Variants in DENND1A observed in about 807,000 individuals in gnomAD.
DENND1A encodes the protein DENN domain-containing protein 1A.
DENND1A carries 51 observed loss-of-function variants against 113.7 expected under a neutral mutation model. The ratio of observed to expected loss-of-function variants is 0.45; its 90% CI spans 0.36 to 0.57. The LOEUF is 0.57. DENND1A is among the 20% of genes least tolerant of loss of function. The probability of loss-of-function intolerance (pLI) is 0.00; values close to 1 mark genes in which losing one functional copy is unlikely to be tolerated. For missense variants in DENND1A, 1,258 were observed against 1,395.9 expected (o/e 0.90, Z 1.57); for synonymous variants, 565 against 570.8 (o/e 0.99, Z 0.14).
intron 2 of DENND1A, among the ~76,000 whole-genome samples, chr9:123,847,456 T>C (rs758595367): frequency 3.3e-5 from 5 of 152,264 alleles, no homozygotes; most frequent in East Asian, 1.9e-4. Flanking sequence ...TTAATTATAA[T>C]GGAAAGGGAC....
At chr9:123,687,982 C>T (rs1171108159) in intron 5 of DENND1A, among the ~76,000 whole-genome samples, 2 of 152,242 alleles carry the variant, frequency 1.3e-5, no homozygotes. Context: ...TAGGTGCAAG[C>T]ACATTGACTG....
At chr9:123,783,053 T>G (rs1017721706) in intron 3 of DENND1A, among the ~76,000 whole-genome samples, 2 of 152,150 alleles carry the variant, frequency 1.3e-5, no homozygotes, top group Non-Finnish European at 2.9e-5. Flanking sequence ...TACAAAATAC[T>G]ACACACAACC....
chr9:123,481,461 C>T (rs182344375), intron 13 of DENND1A, among the ~76,000 whole-genome samples: 2 of 152,194 alleles, frequency 1.3e-5, no homozygotes, highest in Non-Finnish European at 1.5e-5. Context: ...CAGGTGCTGC[C>T]GAAGAGGCCG....
chr9:123,455,119 G>A (rs183337192), intron 15 of DENND1A, among the ~76,000 whole-genome samples: 1 of 152,316 alleles, frequency 6.6e-6, no homozygotes, highest in African/African-American at 2.4e-5. Context: ...ACCACGCTTG[G>A]CCGAAATTGC....
intron 1 of DENND1A, among the ~76,000 whole-genome samples, chr9:123,901,751 T>A (rs1466142977): frequency 6.6e-6 from 1 of 152,166 alleles, no homozygotes; most frequent in African/African-American, 2.4e-5. Context: ...CTGCCTGTAA[T>A]CCCAGCACTG....
At chr9:123,913,921 A>G (rs980638947) in intron 1 of DENND1A, among the ~76,000 whole-genome samples, 5 of 151,164 alleles carry the variant, frequency 3.3e-5, no homozygotes, top group African/African-American at 1.2e-4. Flanking sequence ...AAAAAAATCA[A>G]AAGCCAGATA....
intron 13 of DENND1A, among the ~76,000 whole-genome samples, chr9:123,502,777 T>C (rs2052601561): frequency 6.6e-6 from 1 of 152,258 alleles, no homozygotes; most frequent in Non-Finnish European, 1.5e-5. Flanking sequence ...GTCGTGAAGC[T>C]TTTGCCCAAT....
chr9:123,530,590 CAACT>C (rs1263877774), intron 13 of DENND1A, among the ~76,000 whole-genome samples: 5 of 152,084 alleles, frequency 3.3e-5, no homozygotes, highest in South Asian at 2.1e-4. Context: ...GTTGACTGTA[CAACT>C]AACTACTGTC....
At chr9:123,636,430 C>G (rs1488422627) in intron 9 of DENND1A, among the ~76,000 whole-genome samples, 1 of 152,090 alleles carries the variant, frequency 6.6e-6, no homozygotes, top group Non-Finnish European at 1.5e-5. Flanking sequence ...GATTCTCCTG[C>G]CTCAGCCTCC....
At chr9:123,690,021 G>C in intron 5 of DENND1A, among the ~76,000 whole-genome samples, 1 of 144,882 alleles carries the variant, frequency 6.9e-6, no homozygotes, top group African/African-American at 2.6e-5. Flanking sequence ...AGGAGGGAAG[G>C]AGGGAGGGAA....
At chr9:123,478,822 T>G (rs1332455940) in intron 13 of DENND1A, among the ~76,000 whole-genome samples, 1 of 152,226 alleles carries the variant, frequency 6.6e-6, no homozygotes, top group Non-Finnish European at 1.5e-5. Context: ...CAAGGGGACA[T>G]GAAGAGCCAG....
At chr9:123,684,421 G>A (rs151028475) in intron 5 of DENND1A, among the ~76,000 whole-genome samples, 49 of 152,128 alleles carry the variant, frequency 3.2e-4, no homozygotes, top group African/African-American at 1.1e-3. Context: ...CTCCTAACTC[G>A]AGGTGAGAAG....
chr9:123,402,187 G>A (rs1291220452), intron 21 of DENND1A, among the ~76,000 whole-genome samples: 8 of 152,208 alleles, frequency 5.3e-5, no homozygotes, highest in Non-Finnish European at 5.9e-5. Context: ...AGCTTCAGGA[G>A]TCCTCTCTTC....
intron 13 of DENND1A, among the ~76,000 whole-genome samples, chr9:123,508,800 A>G (rs571253671): frequency 5.9e-5 from 9 of 152,260 alleles, no homozygotes; most frequent in African/African-American, 2.2e-4. Context: ...GATATACTGA[A>G]TTCCCAATTA....
chr9:123,395,493 T>TGTGTGTGTGTGTGTGTGA (rs2043075187), intron 21 of DENND1A, among the ~76,000 whole-genome samples: 1 of 146,094 alleles, frequency 6.8e-6, no homozygotes, highest in African/African-American at 2.5e-5. Context: ...TGTGTGTGTG[T>TGTGTGTGTGTGTGTGTGA]GACAGAGAGA....
intron 20 of DENND1A, among the ~76,000 whole-genome samples, chr9:123,408,193 G>T (rs2044031638): frequency 6.6e-6 from 1 of 152,182 alleles, no homozygotes. Context: ...GAGGCTGATG[G>T]CTCCTGACAT....
chr9:123,411,766 A>G lies in DENND1A; in HGVS notation c.1542+10T>C. The G allele has an allele frequency of 1.0e-6, 1 of 985,920 alleles. No homozygotes were observed. Among genetic ancestry groups the G allele is most frequent in the Non-Finnish European group, 1.2e-6 (1 of 830,020 alleles). The allele number at this position is 985,920 out of a possible 1,614,324, so 61.1% of individuals were successfully genotyped here. A position where few individuals can be genotyped will look rare whatever the true frequency, so the allele number is the denominator to read the frequency against. Reference sequence around the variant, plus strand: ...GTTAGGTGGGGAGGGCAGAACCACCAGCTACTCACGGGCCTCGAGCGCTGT... The same window carrying G: ...GTTAGGTGGGGAGGGCAGAACCACCGGCTACTCACGGGCCTCGAGCGCTGT... On this transcript the variant is annotated intron_variant, in intron 20 of 23. Transcript: ENST00000394215.
At chr9:123,467,717 G>A (rs1450611681) in intron 13 of DENND1A, among the ~76,000 whole-genome samples, 2 of 152,142 alleles carry the variant, frequency 1.3e-5, no homozygotes, top group Non-Finnish European at 2.9e-5. Context: ...GGAATTTCAG[G>A]ACGGTGACAG....
At chr9:123,565,539 C>G (rs2058008985) in intron 12 of DENND1A, among the ~76,000 whole-genome samples, 1 of 152,182 alleles carries the variant, frequency 6.6e-6, no homozygotes, top group Admixed American at 6.5e-5. Flanking sequence ...GCAACAGAGT[C>G]ACATTTTCCT....
Sources: gnomAD v4.1 joint callset for allele counts (sites outside exome capture counted in the v4.1 genomes callset) on GRCh38, gnomAD v4.1.1 for gene constraint, MANE v1.5 for transcripts, NCBI Gene and HGNC (gene_info 2026-07-23, HGNC 2026-07-21) for gene names.